Variants in NECAP1 observed in about 807,000 individuals in gnomAD.
NECAP1 encodes adaptin ear-binding coat-associated protein 1.
Under a neutral mutation model 33.4 loss-of-function variants are expected in NECAP1, and 13 were observed. The ratio of observed to expected loss-of-function variants is 0.39; its 90% CI spans 0.25 to 0.62. The LOEUF (loss-of-function observed/expected upper bound fraction) is 0.62. Ranked by LOEUF, NECAP1 falls within the 20% of genes least tolerant of loss-of-function variation. The probability of loss-of-function intolerance (pLI) is 0.52; values close to 1 mark genes in which losing one functional copy is unlikely to be tolerated. For synonymous variants in NECAP1, 109 were observed against 125.2 expected (o/e 0.87, Z 0.86); for missense variants, 272 against 347.4 (o/e 0.78, Z 1.73).
At chr12:8,087,005 AT>A (rs142523582) in intron 1 of NECAP1, among the ~76,000 whole-genome samples, 2 of 81,634 alleles carry the variant, frequency 2.4e-5, no homozygotes, top group African/African-American at 6.5e-5. Context: ...CTATAAAACT[AT>A]TTTTTTTTAA....
chr12:8,083,641 G>T (rs749621229), intron 1 of NECAP1, among the ~76,000 whole-genome samples: 1 of 151,274 alleles, frequency 6.6e-6, no homozygotes, highest in Non-Finnish European at 1.5e-5. Context: ...AGTTGGCCAG[G>T]CTGGTCTTGA....
chr12:8,085,713 TTTG>T (rs1338510521), intron 1 of NECAP1, among the ~76,000 whole-genome samples: 11 of 129,002 alleles, frequency 8.5e-5, no homozygotes, highest in South Asian at 2.5e-4. Flanking sequence ...TTTTTTTTTT[TTTG>T]TTGTTGAGAC....
At chr12:8,085,713 T>TTTTTTTTTTTTTTTTTTTTTTTTG (rs1947483504) in intron 1 of NECAP1, among the ~76,000 whole-genome samples, 1 of 128,954 alleles carries the variant, frequency 7.8e-6, no homozygotes, top group African/African-American at 2.8e-5. Context: ...TTTTTTTTTT[T>TTTTTTTTTTTTTTTTTTTTTTTTG]TTGTTGTTGA....
At chr12:8,087,959 C>A (rs1416024324) in intron 1 of NECAP1, among the ~76,000 whole-genome samples, 3 of 152,106 alleles carry the variant, frequency 2.0e-5, no homozygotes, top group Non-Finnish European at 4.4e-5. Context: ...CATTCTTGTT[C>A]AAATATACCT....
intron 5 of NECAP1, 39 bp from the exon 6 acceptor site, chr12:8,092,833 A>G (rs1451513274): frequency 5.0e-6 from 8 of 1,586,826 alleles, no homozygotes; most frequent in African/African-American, 2.7e-5. Flanking sequence ...CCATAAGCCT[A>G]TGACATCTTT....
chr12:8,092,016 A>G (rs1046064550), intron 4 of NECAP1, 166 bp downstream of exon 4: 3 of 629,022 alleles, frequency 4.8e-6, no homozygotes, highest in Non-Finnish European at 2.8e-6. Context: ...TCATCTTTGT[A>G]TCTATTCTGT....
chr12:8,090,602 A>C (rs765897973), intron 3 of NECAP1: 3 of 267,672 alleles, frequency 1.1e-5, no homozygotes, highest in Admixed American at 9.3e-5. Flanking sequence ...TGAGGTCAGG[A>C]GTTTGAGGCC....
intron 3 of NECAP1, 182 bp downstream of exon 3, chr12:8,090,481 C>T (rs1257421893): frequency 1.9e-5 from 11 of 574,010 alleles, no homozygotes; most frequent in East Asian, 8.5e-5. Context: ...TAGATAAGCA[C>T]GAGTTCAAGA....
At position 8,092,921 on chromosome 12, in the gene NECAP1, G is replaced by C. The variant is rs753415798; in HGVS notation, c.542G>C (p.Gly181Ala). 5 of 1,594,220 alleles carry C rather than the reference G, an allele frequency of 3.1e-6. No homozygotes were observed. Among genetic ancestry groups the C allele is most frequent in the Non-Finnish European group, 4.3e-6 (5 of 1,170,800 alleles). ...GCTTCTAAGCCCAGGACTGCAAGGG[G>C]TGGGGGTCTGAGCTTACTCCCACCC... The part of the protein sequence containing the change: ...GGASKPRTAR[G>A]GGLSLLPPPP... Residue 181 changes from glycine (G) to alanine (A), a missense_variant, in exon 6 of 8, where the codon GGT (glycine) becomes GCT (alanine). By Grantham distance (60) the Gly-to-Ala change is moderately conservative. Coordinates refer to ENST00000339754, the MANE Select transcript of NECAP1 (RefSeq NM_015509.4).
At chr12:8,095,755 G>A in intron 7 of NECAP1, 52 bp downstream of exon 7, 2 of 1,506,464 alleles carry the variant, frequency 1.3e-6, no homozygotes, top group African/African-American at 1.4e-5. Flanking sequence ...TAGGAGATAT[G>A]TACAGTCAAT....
intron 3 of NECAP1, chr12:8,091,413 G>GA: frequency 1.8e-5 from 5 of 281,678 alleles, no homozygotes; most frequent in Admixed American, 4.8e-5. Context: ...ATCAGCGGGA[G>GA]CCTTGGGCTT....
intron 6 of NECAP1, chr12:8,093,733 A>G (rs1274818628): frequency 6.6e-6 from 1 of 152,186 alleles, no homozygotes; most frequent in South Asian, 2.1e-4. Flanking sequence ...ATAAAAAAAC[A>G]AAGAAACAAA....
At chr12:8,090,494 T>G (rs1160629873) in intron 3 of NECAP1, 195 bp downstream of exon 3, 1 of 568,174 alleles carries the variant, frequency 1.8e-6, no homozygotes, top group African/African-American at 1.9e-5. Context: ...GTTCAAGATG[T>G]GGTAATTCAT....
At chr12:8,089,745 C>A in intron 1 of NECAP1, 191 bp from the exon 2 acceptor site, 1 of 552,020 alleles carries the variant, frequency 1.8e-6, no homozygotes. Context: ...CAAGTAGTAG[C>A]ATTGTCTTTT....
chr12:8,093,038 A>G lies in NECAP1; in HGVS notation c.659A>G (p.His220Arg), dbSNP rs764910866. ...CCACCACCCATTCCGAAATCTAACC[A>G]TGGAGGCAGTGATGCAGGTAAATCT... ...VTPPPIPKSN[H>R]GGSDADILLD... Residue 220 changes from histidine (H) to arginine (R), a missense_variant, in exon 6 of 8, where the codon CAT (histidine) becomes CGT (arginine). Physicochemically the swap from His to Arg is conservative, Grantham distance 29. Transcript: ENST00000339754. 3.7e-6 allele frequency: 6 copies of G among 1,613,914 alleles called. No homozygotes were observed. In the South Asian group the frequency reaches 4.4e-5, roughly 12 times the overall value.
At chr12:8,095,897 A>T (rs1947589724) in intron 7 of NECAP1, 145 bp from the exon 8 acceptor site, 1 of 1,161,750 alleles carries the variant, frequency 8.6e-7, no homozygotes, top group Middle Eastern at 2.0e-4. Context: ...TTTGAGTGGG[A>T]TATTTCAGGC....
chr12:8,091,645 C>A, intron 3 of NECAP1, 124 bp from the exon 4 acceptor site: 1 of 767,526 alleles, frequency 1.3e-6, no homozygotes, highest in Non-Finnish European at 2.2e-6. Context: ...GCTTTGCTCT[C>A]TCGTGTGCAA....
chr12:8,085,609 C>T (rs1947480626), intron 1 of NECAP1, among the ~76,000 whole-genome samples: 1 of 151,046 alleles, frequency 6.6e-6, no homozygotes, highest in African/African-American at 2.4e-5. Flanking sequence ...CAAATCACCA[C>T]TTTTGAATGT....
chr12:8,086,491 G>A (rs987596871), intron 1 of NECAP1, among the ~76,000 whole-genome samples: 1 of 151,808 alleles, frequency 6.6e-6, no homozygotes, highest in Non-Finnish European at 1.5e-5. Context: ...GCGCACACCT[G>A]TAGTCCCAGC....
Sources: gnomAD v4.1 joint callset for allele counts (sites outside exome capture counted in the v4.1 genomes callset) on GRCh38, gnomAD v4.1.1 for gene constraint, MANE v1.5 for transcripts, NCBI Gene and HGNC (gene_info 2026-07-23, HGNC 2026-07-21) for gene names.